SLC4A10: variants seen among roughly 807,000 people sequenced by gnomAD.
SLC4A10 encodes the protein solute carrier family 4 member 10.
A neutral mutation model predicts 137.7 loss-of-function variants in SLC4A10; 42 were observed. The observed-to-expected ratio is 0.30, with a 90% CI of 0.24 to 0.39. The LOEUF (loss-of-function observed/expected upper bound fraction) is 0.39. SLC4A10 is among the 10% of genes least tolerant of loss of function. The pLI is 1.00. For missense variants in SLC4A10, 925 were observed against 1,355.0 expected (o/e 0.68, Z 4.98); for synonymous variants, 474 against 464.1 (o/e 1.02, Z -0.27).
intron 1 of SLC4A10, among the ~76,000 whole-genome samples, chr2:161,628,593 G>A (rs887535308): frequency 2.0e-5 from 3 of 151,868 alleles, no homozygotes; most frequent in Non-Finnish European, 2.9e-5. Flanking sequence ...AAGTAATATT[G>A]TTTTTTCTAT....
intron 15 of SLC4A10, among the ~76,000 whole-genome samples, chr2:161,932,109 T>A (rs1559562223): frequency 6.6e-6 from 1 of 152,214 alleles, no homozygotes; most frequent in Non-Finnish European, 1.5e-5. Flanking sequence ...GGCCTTTTTT[T>A]TCTGAGATAA....
At chr2:161,928,597 G>A (rs1689691659) in intron 15 of SLC4A10, among the ~76,000 whole-genome samples, 1 of 146,862 alleles carries the variant, frequency 6.8e-6, no homozygotes, top group African/African-American at 2.5e-5. Flanking sequence ...ACTTCTCAAT[G>A]GCTGTCCCTC....
intron 26 of SLC4A10, among the ~76,000 whole-genome samples, chr2:161,980,856 A>G (rs1238373106): frequency 6.6e-6 from 1 of 152,232 alleles, no homozygotes; most frequent in Non-Finnish European, 1.5e-5. Context: ...GATATGCAAC[A>G]TATGTTTATT....
chr2:161,748,440 G>A (rs2048614858), intron 1 of SLC4A10, among the ~76,000 whole-genome samples: 1 of 149,552 alleles, frequency 6.7e-6, no homozygotes, highest in Admixed American at 6.7e-5. Flanking sequence ...TTGAGTTTGT[G>A]TGTGTGTGTG....
chr2:161,984,172 CA>C lies in SLC4A10; in HGVS notation c.*1022del, dbSNP rs1253050706. On this transcript the variant is annotated 3_prime_UTR_variant, in exon 27 of 27. Transcript: ENST00000446997. ...TTCTCATGTTAGACCAACAGCTCTC[CA>C]ATTGTCATTTTTTTTCTGCAGAGTT... 1.3e-5 allele frequency: 2 copies of C among 152,040 alleles called. No individual in the cohort carries two copies. Among genetic ancestry groups the C allele is most frequent in the Non-Finnish European group, 2.9e-5 (2 of 67,986 alleles). 9.4% of individuals were successfully genotyped at this position (152,040 alleles called of 1,614,324 possible). A position where few individuals can be genotyped will look rare whatever the true frequency, so the allele number is the denominator to read the frequency against.
chr2:161,759,171 A>G (rs897868455), intron 1 of SLC4A10, among the ~76,000 whole-genome samples: 1 of 151,912 alleles, frequency 6.6e-6, no homozygotes, highest in Non-Finnish European at 1.5e-5. Context: ...CTGTTTTATC[A>G]AGTGTCTTTC....
chr2:161,793,205 A>G (rs1302114955), intron 2 of SLC4A10, among the ~76,000 whole-genome samples: 1 of 152,180 alleles, frequency 6.6e-6, no homozygotes, highest in Non-Finnish European at 1.5e-5. Flanking sequence ...GTACAACATG[A>G]TGCTTTGAAA....
intron 23 of SLC4A10, among the ~76,000 whole-genome samples, chr2:161,966,743 A>AACAAAAC (rs1553645654): frequency 6.7e-6 from 1 of 149,726 alleles, no homozygotes; most frequent in Non-Finnish European, 1.5e-5. Context: ...CTCAAAAAAA[A>AACAAAAC]AAAAAACAAA....
rs774199734 is a variant in SLC4A10, at chr2:161,693,669, C to CTT, written c.48+69124_48+69125dup. Among the ~76,000 whole-genome samples, 727 of 115,202 alleles carry CTT rather than the reference C, an allele frequency of 6.3e-3. 10 individuals carry two copies. Among genetic ancestry groups the CTT allele is most frequent in the African/African-American group, 0.022 (659 of 30,506 alleles). 75.6% of individuals were successfully genotyped at this position (115,202 alleles called of 152,430 possible). ...CTACTCTCTGTCTCTACAAATTCGA[C>CTT]TTTTTTTTTTTTTTTTTTTTTTAAG... On this transcript the variant is annotated intron_variant, in intron 1 of 26. Coordinates refer to ENST00000446997, the MANE Select transcript of SLC4A10 (RefSeq NM_001178015.2).
chr2:161,664,786 T>A (rs1037186200), intron 1 of SLC4A10, among the ~76,000 whole-genome samples: 1 of 151,684 alleles, frequency 6.6e-6, no homozygotes, highest in African/African-American at 2.4e-5. Flanking sequence ...TTTGCTTTTA[T>A]GGGCAAAGCT....
At chr2:161,862,401 G>C (rs1220382123) in intron 5 of SLC4A10, among the ~76,000 whole-genome samples, 2 of 152,066 alleles carry the variant, frequency 1.3e-5, no homozygotes, top group African/African-American at 2.4e-5. Flanking sequence ...AAATTAGTCT[G>C]TACTAGAAAA....
At chr2:161,782,587 C>T (rs1365279575) in intron 2 of SLC4A10, among the ~76,000 whole-genome samples, 5 of 151,312 alleles carry the variant, frequency 3.3e-5, no homozygotes, top group Admixed American at 2.6e-4. Context: ...TAAAGATGCT[C>T]ACTGAGGATA....
chr2:161,676,537 T>G (rs2040295133), intron 1 of SLC4A10, among the ~76,000 whole-genome samples: 2 of 152,160 alleles, frequency 1.3e-5, no homozygotes, highest in Admixed American at 6.6e-5. Context: ...CTGAGACAGA[T>G]TTTTAAAACT....
intron 1 of SLC4A10, among the ~76,000 whole-genome samples, chr2:161,684,812 G>C (rs2041214192): frequency 6.6e-6 from 1 of 152,102 alleles, no homozygotes; most frequent in Admixed American, 6.6e-5. Flanking sequence ...AATTTAAGTT[G>C]AATGCTTGGA....
chr2:161,949,131 G>A lies in SLC4A10; in HGVS notation c.2266-17G>A, dbSNP rs781768081. On this transcript the variant is annotated splice_polypyrimidine_tract_variant and intron_variant, in intron 17 of 26. Transcript: ENST00000446997. ...TTTATAGCTACTTTAAGTGACAAGT[G>A]TTTTCATTATTTTTAGGTTCGATCC... 3 of 1,547,084 alleles carry A rather than the reference G, an allele frequency of 1.9e-6. No individual in the cohort carries two copies. The highest frequency in any genetic ancestry group is 1.1e-5 in the South Asian group (1 of 88,074).
At chr2:161,982,476 T>C (rs188624567) in intron 26 of SLC4A10, among the ~76,000 whole-genome samples, 2 of 152,180 alleles carry the variant, frequency 1.3e-5, no homozygotes, top group Admixed American at 1.3e-4. Flanking sequence ...GTAAAGTTAA[T>C]GAGAGGGTGA....
At chr2:161,693,234 G>A (rs2124937180) in intron 1 of SLC4A10, among the ~76,000 whole-genome samples, 1 of 152,196 alleles carries the variant, frequency 6.6e-6, no homozygotes, top group South Asian at 2.1e-4. Context: ...GTTCTATACA[G>A]TTTGGGTAAA....
chr2:161,853,320 A>G (rs373476765), intron 4 of SLC4A10, among the ~76,000 whole-genome samples: 1 of 152,162 alleles, frequency 6.6e-6, no homozygotes, highest in South Asian at 2.1e-4. Flanking sequence ...AGTGACTTAG[A>G]AACCTCAGCT....
intron 1 of SLC4A10, among the ~76,000 whole-genome samples, chr2:161,645,229 A>AT (rs5835874): frequency 0.9 from 136,593 of 151,684 alleles, 61,617 homozygotes; most frequent in East Asian, 1. Flanking sequence ...AATTTCCAAT[A>AT]TTTTTTTTCT....
Sources: gnomAD v4.1 joint callset for allele counts (sites outside exome capture counted in the v4.1 genomes callset) on GRCh38, gnomAD v4.1.1 for gene constraint, MANE v1.5 for transcripts, NCBI Gene and HGNC (gene_info 2026-07-23, HGNC 2026-07-21) for gene names.